SNX29: variants seen among roughly 807,000 people sequenced by gnomAD.
SNX29 encodes sorting nexin 29, also known as sorting nexin-29.
In SNX29, 78 loss-of-function variants were observed where a neutral mutation model predicts 102.1. That is an observed-to-expected ratio of 0.76 (90% CI 0.64 to 0.92). SNX29 has a LOEUF of 0.92. Among genes scored for constraint, SNX29 ranks in the 40% least tolerant of loss-of-function variants. The probability of loss-of-function intolerance (pLI) is 0.00; values close to 1 mark genes in which losing one functional copy is unlikely to be tolerated. For missense variants in SNX29, 1,280 were observed against 1,061.7 expected, an observed-to-expected ratio of 1.21 and a Z score of -2.86; for synonymous variants, 580 against 414.5, an observed-to-expected ratio of 1.40 and a Z score of -4.85.
intron 14 of SNX29, among the ~76,000 whole-genome samples, chr16:12,235,204 T>A (rs2077889977): frequency 6.6e-6 from 1 of 152,166 alleles, no homozygotes; most frequent in Non-Finnish European, 1.5e-5. Context: ...CTTTCCTTTC[T>A]CTCTCTGTCC....
chr16:12,304,670 G>T (rs1008605083), intron 15 of SNX29, among the ~76,000 whole-genome samples: 2 of 152,164 alleles, frequency 1.3e-5, no homozygotes, highest in Non-Finnish European at 2.9e-5. Context: ...TGGGATTACA[G>T]GTGTGAGCCA....
chr16:12,045,492 T>C (rs543349142), intron 5 of SNX29, among the ~76,000 whole-genome samples: 26 of 152,222 alleles, frequency 1.7e-4, no homozygotes, highest in African/African-American at 3.1e-4. Context: ...GGACAGGCCC[T>C]GTAGGCTTCC....
At chr16:12,090,974 C>G (rs7200307) in intron 11 of SNX29, among the ~76,000 whole-genome samples, 33,497 of 135,002 alleles carry the variant, frequency 0.25, 4,024 homozygotes, top group Middle Eastern at 0.32. Flanking sequence ...AAGATCACAC[C>G]ACTGCACTCC....
chr16:12,293,732 A>T (rs908708313), intron 15 of SNX29, among the ~76,000 whole-genome samples: 2 of 152,232 alleles, frequency 1.3e-5, no homozygotes, highest in African/African-American at 4.8e-5. Context: ...CAGATTAAAA[A>T]AATAAAGTAC....
intron 11 of SNX29, among the ~76,000 whole-genome samples, chr16:12,117,994 G>A (rs1360121935): frequency 3.3e-5 from 5 of 152,094 alleles, no homozygotes; most frequent in Admixed American, 1.3e-4. Flanking sequence ...CTCCTTGGGA[G>A]GCTGAGGCAG....
intron 14 of SNX29, among the ~76,000 whole-genome samples, chr16:12,249,831 G>A (rs541658499): frequency 4.6e-5 from 7 of 152,300 alleles, no homozygotes; most frequent in East Asian, 3.9e-4. Flanking sequence ...GAGCTGTCCC[G>A]GCCCCATTAA....
Position 12,048,636 on chromosome 16 carries a change from T to G in SNX29, c.748+16T>G, listed in dbSNP as rs2050184227. Reference sequence around the variant, plus strand: ...GTCAGTGCTGGTGAGTGGGAACGGGTGCTCGAGGCGGAGCAGAGGGAATCA... The same window carrying G: ...GTCAGTGCTGGTGAGTGGGAACGGGGGCTCGAGGCGGAGCAGAGGGAATCA... On this transcript the variant is annotated intron_variant, in intron 7 of 20. Coordinates refer to ENST00000566228, the MANE Select transcript of SNX29 (RefSeq NM_032167.5). 4.3e-6 allele frequency: 7 copies of G among 1,613,930 alleles called. No homozygotes were observed. In the East Asian group the frequency reaches 1.6e-4, roughly 36 times the overall value.
chr16:12,437,303 C>G, intron 18 of SNX29, among the ~76,000 whole-genome samples: 1 of 151,106 alleles, frequency 6.6e-6, no homozygotes, highest in Non-Finnish European at 1.5e-5. Flanking sequence ...TGAGTCCTGG[C>G]AAGGTGTCAC....
intron 20 of SNX29, among the ~76,000 whole-genome samples, chr16:12,560,580 C>G (rs753686943): frequency 6.6e-6 from 1 of 152,198 alleles, no homozygotes; most frequent in African/African-American, 2.4e-5. Flanking sequence ...TGGGGTCTGT[C>G]CATCTGTACC....
At chr16:12,154,404 G>A (rs1597059484) in intron 13 of SNX29, among the ~76,000 whole-genome samples, 1 of 152,180 alleles carries the variant, frequency 6.6e-6, no homozygotes, top group Admixed American at 6.5e-5. Context: ...GGTGGAAGCA[G>A]GCTGTTTTTT....
intron 15 of SNX29, among the ~76,000 whole-genome samples, chr16:12,284,468 C>A (rs779892738): frequency 6.6e-6 from 1 of 152,196 alleles, no homozygotes; most frequent in African/African-American, 2.4e-5. Flanking sequence ...TCCACCATAG[C>A]GTGCTGTCTG....
chr16:12,527,402 C>T (rs1029781907), intron 20 of SNX29: 1 of 470,882 alleles, frequency 2.1e-6, no homozygotes, highest in Non-Finnish European at 4.1e-6. Flanking sequence ...AATAAACCCC[C>T]AAAGCATAAT....
intron 13 of SNX29, among the ~76,000 whole-genome samples, chr16:12,181,245 C>T (rs750143752): frequency 1.6e-4 from 25 of 152,174 alleles, no homozygotes; most frequent in Non-Finnish European, 2.9e-4. Context: ...GAGGGCGTGC[C>T]CATGACACAG....
In SNX29 at chr16:12,573,225, T is replaced by TC. The variant is rs946134899; in HGVS notation, c.*4599dup. ...TAGGCAGACCGGATCCCGCAGTTCA[T>TC]CCCATGGTTGTTGAAATGTACCTCG... On this transcript the variant is annotated 3_prime_UTR_variant, in exon 21 of 21. Coordinates refer to ENST00000566228, the MANE Select transcript of SNX29 (RefSeq NM_032167.5). The TC allele has an allele frequency of 3.5e-5, 8 of 226,530 alleles. No homozygotes were observed. The highest frequency in any genetic ancestry group is 7.0e-5 in the Non-Finnish European group (8 of 114,068). The allele number at this position is 226,530 out of a possible 1,614,324, so 14.0% of individuals were successfully genotyped here. A position where few individuals can be genotyped will look rare whatever the true frequency, so the allele number is the denominator to read the frequency against.
At chr16:12,027,027 G>A (rs565774815) in intron 3 of SNX29, among the ~76,000 whole-genome samples, 74 of 152,100 alleles carry the variant, frequency 4.9e-4, no homozygotes, top group African/African-American at 1.7e-3. Context: ...CTGCACCCCC[G>A]CCAGCTGGCA....
At chr16:12,063,645 C>A (rs189918315) in intron 9 of SNX29, among the ~76,000 whole-genome samples, 2 of 152,152 alleles carry the variant, frequency 1.3e-5, no homozygotes, top group South Asian at 4.2e-4. Context: ...CCCACAGTTG[C>A]TGGGATTATA....
At chr16:12,391,183 C>T (rs990456459) in intron 16 of SNX29, among the ~76,000 whole-genome samples, 4 of 152,086 alleles carry the variant, frequency 2.6e-5, no homozygotes, top group Non-Finnish European at 5.9e-5. Flanking sequence ...TGGGCCCAAG[C>T]GATCCTCCTG....
At chr16:12,499,658 A>G (rs567984085) in intron 19 of SNX29, among the ~76,000 whole-genome samples, 2 of 152,282 alleles carry the variant, frequency 1.3e-5, no homozygotes, top group South Asian at 4.1e-4. Flanking sequence ...GTGAAACCCC[A>G]CAATCTGCAT....
chr16:12,168,239 G>A (rs1401223240), intron 13 of SNX29, among the ~76,000 whole-genome samples: 1 of 152,200 alleles, frequency 6.6e-6, no homozygotes, highest in Non-Finnish European at 1.5e-5. Flanking sequence ...AGGCAGTTTC[G>A]CTGGTGGAAG....
Sources: allele counts gnomAD v4.1 joint callset (sites outside exome capture counted in the v4.1 genomes callset), GRCh38; gene constraint gnomAD v4.1.1; transcripts MANE v1.5; gene names NCBI Gene and HGNC (gene_info 2026-07-23, HGNC 2026-07-21).